The following RAD1 variants were observed in gnomAD, a reference collection of about 807,000 sequenced individuals.
RAD1 encodes cell cycle checkpoint protein RAD1.
In RAD1, 21 loss-of-function variants were observed where a neutral mutation model predicts 30.0. The observed-to-expected ratio is 0.70, with a 90% CI of 0.50 to 1.01. The LOEUF is 1.01. Among genes scored for constraint, RAD1 ranks in the 50% least tolerant of loss-of-function variants. The pLI is 0.00. For synonymous variants in RAD1, 109 were observed against 113.6 expected, an observed-to-expected ratio of 0.96 and a Z score of 0.26; for missense variants, 329 against 329.0, an observed-to-expected ratio of 1.00 and a Z score of 0.00.
chr5:34,914,776 A>T lies in RAD1; in HGVS notation c.117T>A (p.His39Gln), dbSNP rs41271673. Residue 39 changes from histidine (H) to glutamine (Q), a missense_variant, in exon 2 of 6, where the codon CAT (histidine) becomes CAA (glutamine). His to Gln is a conservative substitution (Grantham distance 24). Transcript: ENST00000382038. ...CATTTTTAGTTGCGAAACACGTGGCATGTTCTCGGAAATGAATAGCTTTCA... is the reference window on the plus strand; with the variant it reads ...CATTTTTAGTTGCGAAACACGTGGCTTGTTCTCGGAAATGAATAGCTTTCA... ...TILKAIHFRE[H>Q]ATCFATKNGI... 6.2e-7 allele frequency: 1 copy of T among 1,614,192 alleles called. No homozygotes were observed. The highest frequency in any genetic ancestry group is 8.5e-7 in the Non-Finnish European group (1 of 1,180,024).
intron 3 of RAD1, among the ~76,000 whole-genome samples, chr5:34,912,655 C>T (rs1763882608): frequency 6.6e-6 from 1 of 152,092 alleles, no homozygotes; most frequent in Non-Finnish European, 1.5e-5. Context: ...AATTCAATTT[C>T]ACCATTCTTA....
Position 34,907,549 on chromosome 5 carries a change from CA to C in RAD1, c.*1215del, listed in dbSNP as rs1172197007. On this transcript the variant is annotated 3_prime_UTR_variant, in exon 6 of 6. Coordinates refer to ENST00000382038, the MANE Select transcript of RAD1 (RefSeq NM_002853.4). ...TTTTATTAAATATATTTATATGCCA[CA>C]AAAATTATTTTAGTGACAACTACCA... 2.0e-5 allele frequency: 3 copies of C among 152,236 alleles called. No individual in the cohort carries two copies. The highest frequency in any genetic ancestry group is 2.1e-4 in the South Asian group (1 of 4,824). The allele number at this position is 152,236 out of a possible 1,614,324, so 9.4% of individuals were successfully genotyped here.
Position 34,908,476 on chromosome 5 carries a change from A to T in RAD1, c.*289T>A, listed in dbSNP as rs1272760637. 1 of 214,588 alleles carries T rather than the reference A, an allele frequency of 4.7e-6. No homozygotes were observed. Among genetic ancestry groups the T allele is most frequent in the Non-Finnish European group, 9.2e-6 (1 of 109,114 alleles). 13.3% of individuals were successfully genotyped at this position (214,588 alleles called of 1,614,324 possible). On this transcript the variant is annotated 3_prime_UTR_variant, in exon 6 of 6. Transcript: ENST00000382038. ...AGCCACCACACCCGGCCACCTTTAG[A>T]CTCTTGAAATGTTACGCTGACTCAC... is the stretch of plus-strand genomic sequence containing the variant.
intron 3 of RAD1, among the ~76,000 whole-genome samples, chr5:34,912,559 T>C (rs1007158463): frequency 9.2e-5 from 14 of 152,328 alleles, no homozygotes; most frequent in African/African-American, 3.1e-4. Flanking sequence ...GAGAACTATA[T>C]TGAATTTTTC....
intron 2 of RAD1, among the ~76,000 whole-genome samples, chr5:34,914,220 G>GA (rs41271677): frequency 6.6e-6 from 1 of 152,124 alleles, no homozygotes; most frequent in Non-Finnish European, 1.5e-5. Context: ...TATCGCAGTG[G>GA]AAAAAAGAGC....
chr5:34,909,825 G>A (rs780585159), intron 4 of RAD1, among the ~76,000 whole-genome samples: 50 of 152,260 alleles, frequency 3.3e-4, no homozygotes, highest in Middle Eastern at 6.8e-3. Context: ...GTTATTTGTA[G>A]ACAATTTATA....
rs1763706960 is a variant in RAD1 at position 34,908,081 on chromosome 5, A to G, written c.*684T>C. On this transcript the variant is annotated 3_prime_UTR_variant, in exon 6 of 6. Transcript: ENST00000382038. Reference sequence around the variant, plus strand: ...GATCTAGTCTCTAGAATTCAAACTAATAAGCAATGCCCATATGCCTTTGCT... The same window carrying G: ...GATCTAGTCTCTAGAATTCAAACTAGTAAGCAATGCCCATATGCCTTTGCT... 1 of 152,098 alleles carries G rather than the reference A, an allele frequency of 6.6e-6. No homozygotes were observed. Among genetic ancestry groups the G allele is most frequent in the African/African-American group, 2.4e-5 (1 of 41,418 alleles). 9.4% of individuals were successfully genotyped at this position (152,098 alleles called of 1,614,324 possible). A position where few individuals can be genotyped will look rare whatever the true frequency, so the allele number is the denominator to read the frequency against.
rs41268164 is a variant in RAD1, at chr5:34,908,479, C to T, written c.*286G>A. ...CACCACACCCGGCCACCTTTAGACT[C>T]TTGAAATGTTACGCTGACTCACAAT... is the stretch of plus-strand genomic sequence containing the variant. On this transcript the variant is annotated 3_prime_UTR_variant, in exon 6 of 6. Coordinates refer to ENST00000382038, the MANE Select transcript of RAD1 (RefSeq NM_002853.4). The T allele has an allele frequency of 8.6e-4, 191 of 223,374 alleles. No homozygotes were observed. The highest frequency in any genetic ancestry group is 4.2e-3 in the African/African-American group (184 of 44,178). The allele number at this position is 223,374 out of a possible 1,614,324, so 13.8% of individuals were successfully genotyped here.
intron 3 of RAD1, among the ~76,000 whole-genome samples, chr5:34,912,617 G>A (rs1199824195): frequency 6.6e-6 from 1 of 152,010 alleles, no homozygotes; most frequent in Non-Finnish European, 1.5e-5. Flanking sequence ...TCATTCTTCT[G>A]GGGATTCCTT....
Position 34,907,617 on chromosome 5 carries a change from G to A in RAD1, c.*1148C>T, listed in dbSNP as rs1763694559. The A allele has an allele frequency of 6.6e-6, 1 of 152,176 alleles. No individual in the cohort carries two copies. The highest frequency in any genetic ancestry group is 1.5e-5 in the Non-Finnish European group (1 of 68,028). 9.4% of individuals were successfully genotyped at this position (152,176 alleles called of 1,614,324 possible). A position where few individuals can be genotyped will look rare whatever the true frequency, so the allele number is the denominator to read the frequency against. ...CTTAATAACTGGTTTTCTACACCTT[G>A]ATTTGTCAAGAAACTCATAAGCAAA... On this transcript the variant is annotated 3_prime_UTR_variant, in exon 6 of 6. Transcript: ENST00000382038.
At position 34,907,350 on chromosome 5, in the gene RAD1, G is replaced by A. The variant is rs1427288571; in HGVS notation, c.*1415C>T. ...TGGGTAAGGGCCAGAAAGGCTAAAT[G>A]AATCCTGCAATGGGATGACAGGTTT... On this transcript the variant is annotated 3_prime_UTR_variant, in exon 6 of 6. Transcript: ENST00000382038. 6.6e-6 allele frequency: 1 copy of A among 152,158 alleles called. No individual in the cohort carries two copies. Among genetic ancestry groups the A allele is most frequent in the Non-Finnish European group, 1.5e-5 (1 of 68,026 alleles). 9.4% of individuals were successfully genotyped at this position (152,158 alleles called of 1,614,324 possible). A position where few individuals can be genotyped will look rare whatever the true frequency, so the allele number is the denominator to read the frequency against.
rs978694672 is a variant in RAD1 at position 34,908,131 on chromosome 5, G to T, written c.*634C>A. 29 of 148,576 alleles carry T rather than the reference G, an allele frequency of 2.0e-4. No homozygotes were observed. The highest frequency in any genetic ancestry group is 6.7e-4 in the African/African-American group (27 of 40,530). The allele number at this position is 148,576 out of a possible 1,614,324, so 9.2% of individuals were successfully genotyped here. A position where few individuals can be genotyped will look rare whatever the true frequency, so the allele number is the denominator to read the frequency against. On this transcript the variant is annotated 3_prime_UTR_variant, in exon 6 of 6. Coordinates refer to ENST00000382038, the MANE Select transcript of RAD1 (RefSeq NM_002853.4). Reference sequence around the variant, plus strand: ...TTTTTCTAATAATAAATAAATAAAAGATCATTTCAGGTAGCTGCATCAAAC... The same window carrying T: ...TTTTTCTAATAATAAATAAATAAAATATCATTTCAGGTAGCTGCATCAAAC...
At chr5:34,915,198 C>G (rs1764014985) in intron 1 of RAD1, among the ~76,000 whole-genome samples, 1 of 152,232 alleles carries the variant, frequency 6.6e-6, no homozygotes, top group African/African-American at 2.4e-5. Flanking sequence ...ACGCAACTGA[C>G]ACGGTATCTC....
chr5:34,914,939 C>T lies in RAD1; in HGVS notation c.-47G>A, dbSNP rs755364544. The T allele has an allele frequency of 6.2e-6, 10 of 1,603,810 alleles. No individual in the cohort carries two copies. The highest frequency in any genetic ancestry group is 1.1e-5 in the South Asian group (1 of 90,814). ...CGAGGGATGCTCCTGGGGCCAACAA[C>T]TTCTCGGCGGATCGCCAAACACCTG... On this transcript the variant is annotated 5_prime_UTR_variant, in exon 2 of 6. Transcript: ENST00000382038.
intron 4 of RAD1, among the ~76,000 whole-genome samples, chr5:34,910,493 T>C (rs191618828): frequency 3.3e-5 from 5 of 151,788 alleles, no homozygotes; most frequent in African/African-American, 7.2e-5. Flanking sequence ...AGTGGCGCAA[T>C]CTCAGCTCAC....
In RAD1 at chr5:34,908,926, G is replaced by T; in HGVS notation, c.688C>A (p.Pro230Thr). The T allele has an allele frequency of 6.2e-7, 1 of 1,607,056 alleles. No individual in the cohort carries two copies. Among genetic ancestry groups the T allele is most frequent in the East Asian group, 2.2e-5 (1 of 44,760 alleles). ...VNRYKISLLKPSTKALVLSCK... is the reference protein window; with the variant it reads ...VNRYKISLLKTSTKALVLSCK... ...GATAGGACTAATGCCTTTGTAGAGG[G>T]TTTCAGTAAGGAAATCTTGTATCTG... The change falls in exon 6 of 6, where the codon CCC becomes ACC. Residue 230 changes from proline to threonine, a missense_variant. Physicochemically the swap from Pro to Thr is conservative, Grantham distance 38. Coordinates refer to ENST00000382038, the MANE Select transcript of RAD1 (RefSeq NM_002853.4).
At chr5:34,913,635 A>AAAGTGAAATCT in intron 2 of RAD1, 57 bp from the exon 3 acceptor site, 1 of 1,039,824 alleles carries the variant, frequency 9.6e-7, no homozygotes, top group Non-Finnish European at 1.4e-6. Flanking sequence ...CTAATAATAT[A>AAAGTGAAATCT]AGGTCCTAGA....
intron 1 of RAD1, 50 bp from the exon 2 acceptor site, chr5:34,915,011 G>C: frequency 3.7e-6 from 4 of 1,088,984 alleles, no homozygotes; most frequent in Non-Finnish European, 5.3e-6. Flanking sequence ...GAGGTCCGGC[G>C]AGCTCCACCT....
chr5:34,911,873 C>G, intron 3 of RAD1, 61 bp from the exon 4 acceptor site: 4 of 1,535,394 alleles, frequency 2.6e-6, no homozygotes, highest in Non-Finnish European at 3.5e-6. Context: ...AGCTTCTCCT[C>G]GAAATGATAC....
Sources: gnomAD v4.1 joint callset for allele counts (sites outside exome capture counted in the v4.1 genomes callset) on GRCh38, gnomAD v4.1.1 for gene constraint, MANE v1.5 for transcripts, NCBI Gene and HGNC (gene_info 2026-07-23, HGNC 2026-07-21) for gene names.